OR3A2: variants seen among roughly 807,000 people sequenced by gnomAD.
The protein encoded by OR3A2 is olfactory receptor 3A2.
For synonymous variants in OR3A2, 126 were observed against 159.3 expected (o/e 0.79, Z 1.57); for missense variants, 318 against 392.8 (o/e 0.81, Z 1.61).
At chr17:3,310,005 A>C (rs2049028433) in intron 3 of OR3A2, 1 of 206,534 alleles carries the variant, frequency 4.8e-6, no homozygotes, top group South Asian at 8.9e-5. Context: ...CCTCAGGAAA[A>C]TAATTTTTCC....
intron 2 of OR3A2, among the ~76,000 whole-genome samples, chr17:3,337,131 C>G (rs2049279969): frequency 6.6e-6 from 1 of 152,112 alleles, no homozygotes; most frequent in Non-Finnish European, 1.5e-5. Context: ...TTTATTTAAC[C>G]TTCATTTTTT....
At chr17:3,281,764 T>G (rs1310807732) in intron 1 of OR3A2, among the ~76,000 whole-genome samples, 1 of 152,212 alleles carries the variant, frequency 6.6e-6, no homozygotes, top group Admixed American at 6.5e-5. Context: ...TGCAAAGGTT[T>G]GGTGGTATTT....
chr17:3,349,881 C>T (rs1037801815), intron 2 of OR3A2, among the ~76,000 whole-genome samples: 1 of 152,146 alleles, frequency 6.6e-6, no homozygotes, highest in Non-Finnish European at 1.5e-5. Flanking sequence ...AAGAATCTCA[C>T]TCAAAACCAC....
chr17:3,301,885 A>T (rs1256849520), intron 3 of OR3A2, among the ~76,000 whole-genome samples: 3 of 152,122 alleles, frequency 2.0e-5, no homozygotes, highest in Admixed American at 2.0e-4. Flanking sequence ...TAACGAAGGG[A>T]TCAATGTGCA....
intron 3 of OR3A2, chr17:3,292,243 C>A: frequency 6.2e-7 from 1 of 1,614,118 alleles, no homozygotes. Context: ...AGGAAGCAGT[C>A]CACTCCAACG....
intron 3 of OR3A2, among the ~76,000 whole-genome samples, chr17:3,328,621 T>C (rs1430882556): frequency 6.7e-6 from 1 of 148,674 alleles, no homozygotes; most frequent in East Asian, 2.0e-4. Context: ...AGAGAGGGCA[T>C]CCCTGCCTTG....
intron 3 of OR3A2, among the ~76,000 whole-genome samples, chr17:3,331,829 T>C (rs1217229338): frequency 6.6e-6 from 1 of 151,716 alleles, no homozygotes; most frequent in Non-Finnish European, 1.5e-5. Context: ...TTCTGTTTTT[T>C]CCCCATCTTT....
chr17:3,378,348 G>A (rs529976915), intron 2 of OR3A2, among the ~76,000 whole-genome samples: 9 of 152,366 alleles, frequency 5.9e-5, no homozygotes, highest in Admixed American at 2.0e-4. Flanking sequence ...GTGCACACCT[G>A]GCTGGGTTGC....
chr17:3,277,863 T>A, exon 2 of OR3A2: 1 of 1,196,924 alleles, frequency 8.4e-7, no homozygotes, highest in Non-Finnish European at 1.2e-6. Context: ...TCTTCAAGCA[T>A]CAGGAGATAG....
intron 2 of OR3A2, among the ~76,000 whole-genome samples, chr17:3,345,313 C>G (rs1035133157): frequency 3.3e-5 from 5 of 152,020 alleles, no homozygotes; most frequent in African/African-American, 1.2e-4. Context: ...CAAGCCTCAC[C>G]CTTTCAGAGA....
intron 3 of OR3A2, among the ~76,000 whole-genome samples, chr17:3,295,616 G>C (rs992647229): frequency 6.6e-6 from 1 of 151,776 alleles, no homozygotes; most frequent in African/African-American, 2.4e-5. Context: ...AAGCCGAGTG[G>C]GCCAAGCTCA....
intron 2 of OR3A2, among the ~76,000 whole-genome samples, chr17:3,342,685 G>T (rs1400717653): frequency 2.0e-5 from 3 of 152,196 alleles, no homozygotes; most frequent in African/African-American, 7.2e-5. Flanking sequence ...GCTGTATGAG[G>T]TGTCAGTCAG....
At position 3,298,658 on chromosome 17, in the gene OR3A2, G is replaced by A. The variant is rs761004439; in HGVS notation, c.-84-19505C>T. 2.6e-5 allele frequency among the ~76,000 whole-genome samples: 4 copies of A among 152,152 alleles called. No individual in the cohort carries two copies. The South Asian group carries it at 8.3e-4, about 32-fold the overall frequency. The stretch of plus-strand genomic sequence containing the variant: ...ATGAAATAAGAGATTTGACCACTTG[G>A]TAACAACTCAAATGCCACCTCTATT... On this transcript the variant is annotated intron_variant, in intron 3 of 4. Transcript: ENST00000573491.
At chr17:3,322,313 C>CA (rs747914615) in intron 3 of OR3A2, among the ~76,000 whole-genome samples, 1 of 151,848 alleles carries the variant, frequency 6.6e-6, no homozygotes, top group Non-Finnish European at 1.5e-5. Flanking sequence ...TTGATCTTTT[C>CA]AAAAAACCAC....
intron 2 of OR3A2, among the ~76,000 whole-genome samples, chr17:3,359,403 G>T (rs948733775): frequency 2.0e-5 from 3 of 151,626 alleles, no homozygotes; most frequent in African/African-American, 4.9e-5. Context: ...TTTTGTATTA[G>T]CTGGCAGTAG....
At chr17:3,323,453 C>T (rs1017973087) in intron 3 of OR3A2, among the ~76,000 whole-genome samples, 3 of 152,026 alleles carry the variant, frequency 2.0e-5, no homozygotes, top group African/African-American at 2.4e-5. Context: ...TTCCTAACCT[C>T]GATGGTCTTT....
intron 3 of OR3A2, among the ~76,000 whole-genome samples, chr17:3,294,125 T>C (rs575013994): frequency 2.7e-5 from 4 of 150,734 alleles, no homozygotes; most frequent in African/African-American, 4.9e-5. Context: ...AATAAAATAA[T>C]AACAATAAAA....
At chr17:3,367,712 T>C (rs1030715298) in intron 2 of OR3A2, among the ~76,000 whole-genome samples, 1 of 151,784 alleles carries the variant, frequency 6.6e-6, no homozygotes, top group African/African-American at 2.4e-5. Context: ...TAAACATGCA[T>C]GTGCAAGTAT....
At chr17:3,385,583 G>A (rs115281138) in intron 1 of OR3A2, among the ~76,000 whole-genome samples, 2,560 of 152,208 alleles carry the variant, frequency 0.017, 73 homozygotes, top group African/African-American at 0.058. Flanking sequence ...TCCATGGGTA[G>A]CCACTAATAT....
Sources: gnomAD v4.1 joint callset for allele counts (sites outside exome capture counted in the v4.1 genomes callset) on GRCh38, gnomAD v4.1.1 for gene constraint, MANE v1.5 for transcripts, NCBI Gene and HGNC (gene_info 2026-07-23, HGNC 2026-07-21) for gene names.